Variants in GUCY1B1 observed in about 807,000 individuals in gnomAD.
GUCY1B1 encodes the protein guanylate cyclase 1 soluble subunit beta 1.
GUCY1B1 carries 43 observed loss-of-function variants against 71.0 expected under a neutral mutation model. That is an observed-to-expected ratio of 0.61 (90% confidence interval 0.47 to 0.78). The LOEUF is 0.78. Among genes scored for constraint, GUCY1B1 ranks in the 30% least tolerant of loss-of-function variants. GUCY1B1 has a pLI of 0.00. For missense variants in GUCY1B1, 535 were observed against 754.1 expected (o/e 0.71, Z 3.40); for synonymous variants, 266 against 259.7 (o/e 1.02, Z -0.23).
chr4:155,785,186 A>T (rs1298684361), intron 4 of GUCY1B1: 4 of 610,424 alleles, frequency 6.6e-6, no homozygotes, highest in Non-Finnish European at 1.1e-5. Flanking sequence ...TAAAACCTTT[A>T]GGTATCTCAA....
At chr4:155,760,556 C>A (rs1736934102) in intron 2 of GUCY1B1, among the ~76,000 whole-genome samples, 1 of 151,832 alleles carries the variant, frequency 6.6e-6, no homozygotes, top group Admixed American at 6.6e-5. Context: ...AATACCACAC[C>A]CACCTGAGAG....
chr4:155,788,643 C>T (rs1235472181), intron 4 of GUCY1B1, among the ~76,000 whole-genome samples: 1 of 152,182 alleles, frequency 6.6e-6, no homozygotes, highest in African/African-American at 2.4e-5. Flanking sequence ...GTTTTTTCAG[C>T]CTCGTCTGAA....
chr4:155,762,178 A>C (rs1258433874), intron 2 of GUCY1B1, among the ~76,000 whole-genome samples: 1 of 152,176 alleles, frequency 6.6e-6, no homozygotes, highest in Admixed American at 6.5e-5. Context: ...AGAGGGGAGG[A>C]GAACCTGGAG....
chr4:155,763,793 T>C (rs1247596371), intron 2 of GUCY1B1, among the ~76,000 whole-genome samples: 1 of 152,184 alleles, frequency 6.6e-6, no homozygotes, highest in Non-Finnish European at 1.5e-5. Context: ...CTCCATTGCA[T>C]AGAGGAAAAA....
At chr4:155,793,171 G>C (rs1302898381) in intron 5 of GUCY1B1, among the ~76,000 whole-genome samples, 1 of 152,026 alleles carries the variant, frequency 6.6e-6, no homozygotes, top group Non-Finnish European at 1.5e-5. Context: ...TGCCTCCCCA[G>C]GTTCAAGCAA....
intron 11 of GUCY1B1, 64 bp from the exon 12 acceptor site, chr4:155,804,529 T>TAA (rs113362223): frequency 1.7e-3 from 1,788 of 1,064,794 alleles, no homozygotes; most frequent in Non-Finnish European, 2.1e-3. Context: ...TAAAGTAAAA[T>TAA]AAAAAAAAAA....
At chr4:155,804,992 T>C in intron 12 of GUCY1B1, 111 bp from the exon 13 acceptor site, 10 of 956,066 alleles carry the variant, frequency 1.0e-5, no homozygotes, top group African/African-American at 1.6e-5. Flanking sequence ...TACCTTTCAG[T>C]ACAACTTCAG....
At chr4:155,764,623 A>G (rs1368128129) in intron 2 of GUCY1B1, among the ~76,000 whole-genome samples, 1 of 152,214 alleles carries the variant, frequency 6.6e-6, no homozygotes, top group Non-Finnish European at 1.5e-5. Flanking sequence ...TATACAGACT[A>G]AGGAAACAAG....
intron 2 of GUCY1B1, among the ~76,000 whole-genome samples, chr4:155,763,246 T>C (rs961668280): frequency 1.3e-5 from 2 of 152,156 alleles, no homozygotes; most frequent in African/African-American, 4.8e-5. Flanking sequence ...CAGGTCTTGC[T>C]GTGTGCCCAA....
chr4:155,803,617 C>T lies in GUCY1B1; in HGVS notation c.1414-7C>T. 6.5e-7 allele frequency: 1 copy of T among 1,544,378 alleles called. No individual in the cohort carries two copies. Among genetic ancestry groups the T allele is most frequent in the South Asian group, 1.2e-5 (1 of 80,440 alleles). On this transcript the variant is annotated splice_region_variant and splice_polypyrimidine_tract_variant and intron_variant, in intron 10 of 13. Transcript: ENST00000264424. Reference sequence around the variant, plus strand: ...AACCGTGAACATCTAAATATATGTACTGTTAGGTGGAGACTGTTGGTGACA... The same window carrying T: ...AACCGTGAACATCTAAATATATGTATTGTTAGGTGGAGACTGTTGGTGACA...
At chr4:155,801,685 T>C (rs962509705) in intron 9 of GUCY1B1, among the ~76,000 whole-genome samples, 2 of 152,176 alleles carry the variant, frequency 1.3e-5, no homozygotes, top group African/African-American at 4.8e-5. Flanking sequence ...TCTGCTTCTT[T>C]CCCTCTAAAT....
chr4:155,800,143 G>C, intron 9 of GUCY1B1, 69 bp downstream of exon 9: 1 of 1,067,300 alleles, frequency 9.4e-7, no homozygotes, highest in South Asian at 1.8e-5. Flanking sequence ...ATTTAAGTTT[G>C]AGAACCAGAC....
intron 2 of GUCY1B1, among the ~76,000 whole-genome samples, chr4:155,764,149 G>C (rs1270187070): frequency 6.6e-6 from 1 of 152,060 alleles, no homozygotes; most frequent in African/African-American, 2.4e-5. Flanking sequence ...ACCATGTTTT[G>C]CCGTGTTTAT....
chr4:155,777,804 C>T (rs1035295150), intron 4 of GUCY1B1, among the ~76,000 whole-genome samples, 162 bp downstream of exon 4: 3 of 152,060 alleles, frequency 2.0e-5, no homozygotes, highest in Admixed American at 2.0e-4. Context: ...GTTATTGGAG[C>T]GTCTCGAATA....
rs549866572 is a variant in GUCY1B1, at chr4:155,773,084, G to A, written c.78-1884G>A. Among the ~76,000 whole-genome samples the A allele has an allele frequency of 3.9e-5, 6 of 152,310 alleles. No individual in the cohort carries two copies. The East Asian group carries it at 9.6e-4, about 24-fold the overall frequency. On this transcript the variant is annotated intron_variant, in intron 2 of 13. Transcript: ENST00000264424. ...ATTTGAGCTGCTGTGTTGCAAGTTC[G>A]CCTAATTAGAGTGGCTACTTTCCTT...
Position 155,805,141 on chromosome 4 carries a change from A to G in GUCY1B1, c.1748A>G (p.His583Arg), listed in dbSNP as rs749848884. ...CCAGAAAATTCAGATCCACAATTCC[A>G]CTTGGAGCACAGAGGCCCAGTGTCC... ...MSPENSDPQF[H>R]LEHRGPVSMK... The change falls in exon 13 of 14, where the codon CAC becomes CGC. Residue 583 changes from histidine (H) to arginine (R), a missense_variant. By Grantham distance (29) the His-to-Arg change is conservative (BLOSUM62 0). Transcript: ENST00000264424. 2 of 1,611,970 alleles carry G rather than the reference A, an allele frequency of 1.2e-6. No individual in the cohort carries two copies. The highest frequency in any genetic ancestry group is 1.7e-6 in the Non-Finnish European group (2 of 1,178,600).
intron 5 of GUCY1B1, among the ~76,000 whole-genome samples, chr4:155,791,962 T>C (rs542086887): frequency 6.6e-6 from 1 of 152,264 alleles, no homozygotes; most frequent in East Asian, 1.9e-4. Flanking sequence ...GCATGGGAGA[T>C]TGATGGCTTT....
chr4:155,802,723 A>C lies in GUCY1B1; in HGVS notation c.1413+144A>C. On this transcript the variant is annotated intron_variant, in intron 10 of 13. Coordinates refer to ENST00000264424, the MANE Select transcript of GUCY1B1 (RefSeq NM_000857.5). The surrounding 1 kb of genome is among the most constrained non-coding windows in gnomAD (Gnocchi z 4.3). ...AGCCTCCATGTATTCACTCTTTACC[A>C]TGTTCTTAAATAATTGCCTCTTGTT... The C allele has an allele frequency of 1.6e-6, 1 of 624,316 alleles. No individual in the cohort carries two copies. The highest frequency in any genetic ancestry group is 3.4e-5 in the Admixed American group (1 of 29,678). The allele number at this position is 624,316 out of a possible 1,614,324, so 38.7% of individuals were successfully genotyped here.
intron 4 of GUCY1B1, among the ~76,000 whole-genome samples, chr4:155,780,385 A>G (rs534515461): frequency 6.6e-6 from 1 of 152,214 alleles, no homozygotes; most frequent in East Asian, 1.9e-4. Flanking sequence ...CTTCTCTGGG[A>G]AGACGCCACT....
Sources: allele counts gnomAD v4.1 joint callset (sites outside exome capture counted in the v4.1 genomes callset), GRCh38; gene constraint gnomAD v4.1.1; non-coding constraint Gnocchi (gnomAD v3.1); transcripts MANE v1.5; gene names NCBI Gene and HGNC (gene_info 2026-07-23, HGNC 2026-07-21).